ADCY1: variants seen among roughly 807,000 people sequenced by gnomAD.
ADCY1 encodes adenylate cyclase type 1.
Under a neutral mutation model 105.4 loss-of-function variants are expected in ADCY1, and 28 were observed. The ratio of observed to expected loss-of-function variants is 0.27; its 90% CI spans 0.20 to 0.36. The LOEUF is 0.36. Among genes scored for constraint, ADCY1 ranks in the 10% least tolerant of loss-of-function variants. The pLI, the probability that ADCY1 is intolerant of heterozygous loss-of-function variation, is 1.00. For synonymous variants in ADCY1, 655 were observed against 623.8 expected, an observed-to-expected ratio of 1.05 and a Z score of -0.75; for missense variants, 977 against 1,434.2, an observed-to-expected ratio of 0.68 and a Z score of 5.15.
chr7:45,660,326 A>G, intron 7 of ADCY1, 143 bp downstream of exon 7: 1 of 1,199,116 alleles, frequency 8.3e-7, no homozygotes. Flanking sequence ...AGTTGTCCCC[A>G]CTGACACCGT....
Position 45,715,275 on chromosome 7 carries a change from G to A in ADCY1, c.*1280G>A, listed in dbSNP as rs993548621. 3.3e-5 allele frequency: 5 copies of A among 152,654 alleles called. No individual in the cohort carries two copies. The highest frequency in any genetic ancestry group is 9.6e-5 in the African/African-American group (4 of 41,562). 9.5% of individuals were successfully genotyped at this position (152,654 alleles called of 1,614,324 possible). A position where few individuals can be genotyped will look rare whatever the true frequency, so the allele number is the denominator to read the frequency against. ...CTTGGATCTCGGTCACAGGGAGGAA[G>A]GCAGCTAGAAATGGGAGGGAAGCTT... On this transcript the variant is annotated 3_prime_UTR_variant, in exon 20 of 20. Transcript: ENST00000297323.
At chr7:45,611,605 C>A (rs561376290) in intron 3 of ADCY1, among the ~76,000 whole-genome samples, 1 of 150,962 alleles carries the variant, frequency 6.6e-6, no homozygotes, top group African/African-American at 2.4e-5. Context: ...TCAAAGTGAA[C>A]CAACTTGCTT....
In ADCY1 at chr7:45,678,204, T is replaced by C. The variant is rs1180250021; in HGVS notation, c.1839T>C (p.Val613=). The stretch of plus-strand genomic sequence containing the variant: ...AGGACGAGTATTTCACCAGCGCCGT[T>C]GTCCTCACCCTCATCCTGGCTGCCT... ...QLQDEYFTSA[V]VLTLILAALF... Residue 613 remains valine (V), a synonymous_variant, in exon 10 of 20, where the codon GTT becomes GTC. Transcript: ENST00000297323. 1.2e-6 allele frequency: 2 copies of C among 1,614,232 alleles called. No homozygotes were observed. Among genetic ancestry groups the C allele is most frequent in the South Asian group, 1.1e-5 (1 of 91,082 alleles).
intron 1 of ADCY1, among the ~76,000 whole-genome samples, chr7:45,586,313 C>T (rs1480516100): frequency 6.6e-6 from 1 of 152,108 alleles, no homozygotes; most frequent in Non-Finnish European, 1.5e-5. Context: ...TCCAGGTCCC[C>T]GTGAGAATCC....
intron 2 of ADCY1, 68 bp from the exon 3 acceptor site, chr7:45,610,311 G>A (rs1443244666): frequency 7.0e-7 from 1 of 1,421,440 alleles, no homozygotes; most frequent in African/African-American, 1.4e-5. Flanking sequence ...TTACTGGGGA[G>A]GGTGAGGTGA....
intron 8 of ADCY1, among the ~76,000 whole-genome samples, chr7:45,669,748 A>T (rs185212926): frequency 1.3e-5 from 2 of 152,322 alleles, no homozygotes; most frequent in East Asian, 3.9e-4. Context: ...ATCTATCTGA[A>T]TTTAATGAAG....
intron 7 of ADCY1, among the ~76,000 whole-genome samples, chr7:45,661,615 A>G (rs1032076433): frequency 6.6e-6 from 1 of 152,098 alleles, no homozygotes; most frequent in Admixed American, 6.5e-5. Flanking sequence ...CTGTGAGGGA[A>G]TTGAGGTTCT....
rs1477855788 is a variant in ADCY1 at position 45,723,113 on chromosome 7, T to C, written c.*9118T>C. ...AAATAAAGGGAAAAAATTGCTTGACTAAACTCTGTGGCCATTTCAGTTGAA... is the reference window on the plus strand; with the variant it reads ...AAATAAAGGGAAAAAATTGCTTGACCAAACTCTGTGGCCATTTCAGTTGAA... On this transcript the variant is annotated 3_prime_UTR_variant, in exon 20 of 20. Transcript: ENST00000297323. The C allele has an allele frequency of 6.6e-6, 1 of 152,632 alleles. No homozygotes were observed. The highest frequency in any genetic ancestry group is 1.5e-5 in the Non-Finnish European group (1 of 68,044). 9.5% of individuals were successfully genotyped at this position (152,632 alleles called of 1,614,324 possible).
chr7:45,686,165 C>T lies in ADCY1; in HGVS notation c.2277C>T (p.Leu759=), dbSNP rs1393637535. The T allele has an allele frequency of 1.2e-6, 2 of 1,614,182 alleles. No homozygotes were observed. The highest frequency in any genetic ancestry group is 1.7e-6 in the Non-Finnish European group (2 of 1,180,044). The change falls in exon 13 of 20, where the codon CTC becomes CTT. Residue 759 remains leucine, a synonymous_variant. Transcript: ENST00000297323. This position sits in a 1 kb window ranked among gnomAD's most constrained non-coding sequence, Gnocchi z 4.3. ...SLPKMILLSG[L]TTSYILVLEL... is the part of the protein sequence containing the mutation. Reference sequence around the variant, plus strand: ...CAAAAATGATCCTGCTCTCCGGGCTCACCACGTCCTACATCCTCGTTCTGG... The same window carrying T: ...CAAAAATGATCCTGCTCTCCGGGCTTACCACGTCCTACATCCTCGTTCTGG...
At chr7:45,637,201 CA>C (rs1794414516) in intron 4 of ADCY1, among the ~76,000 whole-genome samples, 1 of 152,160 alleles carries the variant, frequency 6.6e-6, no homozygotes, top group Non-Finnish European at 1.5e-5. Flanking sequence ...AAGAAACTTA[CA>C]ATTATATACA....
At chr7:45,671,117 T>C (rs1784357524) in intron 8 of ADCY1, among the ~76,000 whole-genome samples, 1 of 152,222 alleles carries the variant, frequency 6.6e-6, no homozygotes, top group African/African-American at 2.4e-5. Context: ...TATCTCCAGC[T>C]TCAGGACAGA....
chr7:45,623,526 A>C (rs1203303890), intron 4 of ADCY1, among the ~76,000 whole-genome samples: 1 of 152,240 alleles, frequency 6.6e-6, no homozygotes, highest in Non-Finnish European at 1.5e-5. Context: ...TCTGAGCTGC[A>C]GAAGCCAACA....
chr7:45,577,985 A>G (rs1170369702), intron 1 of ADCY1, among the ~76,000 whole-genome samples: 1 of 152,226 alleles, frequency 6.6e-6, no homozygotes, highest in African/African-American at 2.4e-5. Flanking sequence ...TTTTCTTTCC[A>G]GAGCCTTTGC....
chr7:45,705,820 A>G lies in ADCY1; in HGVS notation c.2817+1204A>G, dbSNP rs75700157. On this transcript the variant is annotated intron_variant, in intron 17 of 19. Transcript: ENST00000297323. ...GAAGAATTAACAACAGCAATAACAGAAAAAAGCCCCTGGAACTAAGAAGCA... is the reference window on the plus strand; with the variant it reads ...GAAGAATTAACAACAGCAATAACAGGAAAAAGCCCCTGGAACTAAGAAGCA... 6.6e-5 allele frequency among the ~76,000 whole-genome samples: 10 copies of G among 152,322 alleles called. No homozygotes were observed. The East Asian group carries it at 1.9e-3, about 29-fold the overall frequency.
Position 45,713,862 on chromosome 7 carries a change from C to A in ADCY1, c.3227C>A (p.Pro1076Gln), listed in dbSNP as rs760283664. ...RSLGLDRKMC[P>Q]FGRAGLQGRR... Reference sequence around the variant, plus strand: ...CTGGGCTTGGATCGGAAAATGTGTCCATTTGGGAGAGCTGGCCTTCAGGGC... The same window carrying A: ...CTGGGCTTGGATCGGAAAATGTGTCAATTTGGGAGAGCTGGCCTTCAGGGC... The change falls in exon 20 of 20, where the codon CCA becomes CAA. Residue 1076 changes from proline (P) to glutamine (Q), a missense_variant. Pro to Gln is a moderately conservative substitution (Grantham distance 76, BLOSUM62 -1). Coordinates refer to ENST00000297323, the MANE Select transcript of ADCY1 (RefSeq NM_021116.4). 1 of 780,824 alleles carries A rather than the reference C, an allele frequency of 1.3e-6. No homozygotes were observed. Among genetic ancestry groups the A allele is most frequent in the South Asian group, 1.3e-5 (1 of 74,626 alleles). 48.4% of individuals were successfully genotyped at this position (780,824 alleles called of 1,614,324 possible). A position where few individuals can be genotyped will look rare whatever the true frequency, so the allele number is the denominator to read the frequency against.
rs991067847 is a variant in ADCY1 at position 45,686,938 on chromosome 7, C to T, written c.2454+265C>T. Among the ~76,000 whole-genome samples the T allele has an allele frequency of 2.0e-5, 3 of 152,114 alleles. No homozygotes were observed. Among genetic ancestry groups the T allele is most frequent in the South Asian group, 2.1e-4 (1 of 4,824 alleles). ...GTGGAGACCTGCCTGATGGTCAGAG[C>T]GTGGCTCTTTCACGAGGCAGTGAGT... On this transcript the variant is annotated intron_variant, in intron 14 of 19. Transcript: ENST00000297323. This position sits in a 1 kb window ranked among gnomAD's most constrained non-coding sequence, Gnocchi z 4.3.
chr7:45,675,254 C>T (rs756473371), intron 8 of ADCY1, among the ~76,000 whole-genome samples: 1 of 152,052 alleles, frequency 6.6e-6, no homozygotes, highest in Non-Finnish European at 1.5e-5. Context: ...ACATTACAGC[C>T]TACTGATGTC....
intron 2 of ADCY1, among the ~76,000 whole-genome samples, chr7:45,598,201 T>C (rs1793127819): frequency 6.6e-6 from 1 of 152,198 alleles, no homozygotes; most frequent in African/African-American, 2.4e-5. Flanking sequence ...CCAGGAAAGA[T>C]AACGGAGCGA....
At chr7:45,697,299 A>G (rs1472092195) in intron 14 of ADCY1, among the ~76,000 whole-genome samples, 1 of 151,844 alleles carries the variant, frequency 6.6e-6, no homozygotes, top group African/African-American at 2.4e-5. Flanking sequence ...GGACCTCGTG[A>G]ATCACTGAGA....
Sources: allele counts gnomAD v4.1 joint callset (sites outside exome capture counted in the v4.1 genomes callset), GRCh38; gene constraint gnomAD v4.1.1; non-coding constraint Gnocchi (gnomAD v3.1); transcripts MANE v1.5; gene names NCBI Gene and HGNC (gene_info 2026-07-23, HGNC 2026-07-21).